Variants in ZBTB41 observed in about 807,000 individuals in gnomAD.
The protein encoded by ZBTB41 is zinc finger and BTB domain-containing protein 41.
ZBTB41 carries 42 observed loss-of-function variants against 87.6 expected under a neutral mutation model. The observed-to-expected ratio is 0.48, with a 90% CI of 0.37 to 0.62. The LOEUF is 0.62. ZBTB41 is among the 20% of genes least tolerant of loss of function. The probability of loss-of-function intolerance (pLI) is 0.00; values close to 1 mark genes in which losing one functional copy is unlikely to be tolerated. For missense variants in ZBTB41, 799 were observed against 1,078.9 expected (o/e 0.74, Z 3.63); for synonymous variants, 364 against 364.0 (o/e 1.00, Z 0.00).
At chr1:197,190,574 C>A (rs955197162) in intron 4 of ZBTB41, among the ~76,000 whole-genome samples, 188 bp downstream of exon 4, 1 of 152,026 alleles carries the variant, frequency 6.6e-6, no homozygotes, top group Non-Finnish European at 1.5e-5. Context: ...CTGTTTAGGT[C>A]CATCATCTAA....
chr1:197,175,250 A>G (rs1261536394), intron 8 of ZBTB41, 135 bp from the exon 9 acceptor site: 1 of 637,348 alleles, frequency 1.6e-6, no homozygotes, highest in Non-Finnish European at 2.5e-6. Flanking sequence ...ATTCTGCACT[A>G]TTTGCTTTAT....
rs1659431891 is a variant in ZBTB41 at position 197,169,699 on chromosome 1, A to C, written c.2074+2461T>G. 5.3e-5 allele frequency among the ~76,000 whole-genome samples: 8 copies of C among 152,142 alleles called. No individual in the cohort carries two copies. The South Asian group carries it at 1.7e-3, about 32-fold the overall frequency. On this transcript the variant is annotated intron_variant, in intron 10 of 10. Transcript: ENST00000367405. ...GAGATTTGTGCACTTTGTGTGCTAT[A>C]CTTCAATAAAAAAAAGCTTACAAAG...
rs6680205 is a variant in ZBTB41 at position 197,174,160 on chromosome 1, G to A, written c.1985+850C>T. 8.8e-3 allele frequency among the ~76,000 whole-genome samples: 1,331 copies of A among 152,092 alleles called. 16 individuals carry two copies. Among genetic ancestry groups the A allele is most frequent in the African/African-American group, 0.028 (1,177 of 41,498 alleles). On this transcript the variant is annotated intron_variant, in intron 9 of 10. Transcript: ENST00000367405. ...AAAATATACCTTGCAATTACCACAT[G>A]GATGCTAAGCCATACAGATTTTCAA... is the stretch of plus-strand genomic sequence containing the variant.
chr1:197,182,989 T>C (rs1009701312), intron 5 of ZBTB41, among the ~76,000 whole-genome samples: 7 of 152,236 alleles, frequency 4.6e-5, no homozygotes, highest in African/African-American at 4.8e-5. Context: ...AACAGAAACA[T>C]AGAGACGGAA....
intron 10 of ZBTB41, among the ~76,000 whole-genome samples, chr1:197,164,940 ATT>A (rs1027565830): frequency 8.1e-6 from 1 of 123,994 alleles, no homozygotes; most frequent in African/African-American, 2.9e-5. Context: ...TATTATATAT[ATT>A]ATATATAATA....
chr1:197,183,063 A>G (rs569550765), intron 5 of ZBTB41, among the ~76,000 whole-genome samples: 2 of 148,202 alleles, frequency 1.3e-5, no homozygotes, highest in South Asian at 4.1e-4. Flanking sequence ...ATGCATGTAT[A>G]CATATATGTA....
chr1:197,195,596 A>AT (rs1008866156), intron 2 of ZBTB41, among the ~76,000 whole-genome samples: 15 of 151,588 alleles, frequency 9.9e-5, no homozygotes, highest in African/African-American at 3.4e-4. Context: ...GACTAGTCAC[A>AT]TTTTTTTTTA....
In ZBTB41 at chr1:197,199,482, G is replaced by C. The variant is rs758660955; in HGVS notation, c.992C>G (p.Ala331Gly). ...ATCACCAGCCTCAGGTTCTTCTTCT[G>C]CATCATTATGATCCTTTTCACTTTG... Reference protein sequence around the residue: ...EEQSEKDHNDAEEEPEAGDSV... With the variant: ...EEQSEKDHNDGEEEPEAGDSV... Residue 331 changes from alanine to glycine, a missense_variant, in exon 2 of 11, where the codon GCA becomes GGA. By Grantham distance (60) the Ala-to-Gly change is moderately conservative. Coordinates refer to ENST00000367405, the MANE Select transcript of ZBTB41 (RefSeq NM_194314.3). The C allele has an allele frequency of 1.5e-5, 24 of 1,613,266 alleles. No individual in the cohort carries two copies. In the Admixed American group the frequency reaches 3.8e-4, roughly 26 times the overall value.
intron 2 of ZBTB41, among the ~76,000 whole-genome samples, chr1:197,198,693 C>T (rs1209444663): frequency 6.6e-6 from 1 of 152,082 alleles, no homozygotes; most frequent in Non-Finnish European, 1.5e-5. Flanking sequence ...GACTACATTT[C>T]CTCAAATTCT....
At chr1:197,177,001 G>A (rs1403035519) in intron 7 of ZBTB41, among the ~76,000 whole-genome samples, 1 of 152,038 alleles carries the variant, frequency 6.6e-6, no homozygotes, top group Non-Finnish European at 1.5e-5. Flanking sequence ...GACTGGCCAA[G>A]ACTCAAAAAT....
At chr1:197,186,777 T>C (rs1195746878) in intron 5 of ZBTB41, among the ~76,000 whole-genome samples, 2 of 151,964 alleles carry the variant, frequency 1.3e-5, no homozygotes, top group East Asian at 3.9e-4. Context: ...GGCAGGAGAA[T>C]CACTTGAACC....
chr1:197,176,305 G>C (rs1659607185), intron 8 of ZBTB41, among the ~76,000 whole-genome samples: 1 of 152,004 alleles, frequency 6.6e-6, no homozygotes, highest in Non-Finnish European at 1.5e-5. Context: ...TGCAAATTTT[G>C]AGAATTTATT....
intron 10 of ZBTB41, 65 bp from the exon 11 acceptor site, chr1:197,160,079 C>G (rs1447581270): frequency 1.0e-5 from 13 of 1,306,172 alleles, no homozygotes; most frequent in Non-Finnish European, 1.4e-5. Flanking sequence ...ACAATGACTT[C>G]AAGTAGCAAA....
At chr1:197,188,476 G>T in intron 4 of ZBTB41, 37 bp from the exon 5 acceptor site, 1 of 1,523,208 alleles carries the variant, frequency 6.6e-7, no homozygotes, top group Non-Finnish European at 8.8e-7. Context: ...AAGAGAACCT[G>T]AATTAAAAAT....
chr1:197,183,621 C>T (rs1026559293), intron 5 of ZBTB41, among the ~76,000 whole-genome samples: 4 of 152,100 alleles, frequency 2.6e-5, no homozygotes, highest in Non-Finnish European at 2.9e-5. Context: ...CCTATTGCGC[C>T]GTAATTTAAT....
intron 10 of ZBTB41, among the ~76,000 whole-genome samples, chr1:197,171,320 C>G (rs1362660801): frequency 2.0e-5 from 3 of 152,024 alleles, no homozygotes; most frequent in Non-Finnish European, 2.9e-5. Flanking sequence ...AGCACTGTAT[C>G]AGTAGTAAAT....
At chr1:197,196,567 T>G (rs1456062955) in intron 2 of ZBTB41, among the ~76,000 whole-genome samples, 1 of 152,202 alleles carries the variant, frequency 6.6e-6, no homozygotes, top group Non-Finnish European at 1.5e-5. Flanking sequence ...CACCATGATC[T>G]TTCTAAAATT....
intron 10 of ZBTB41, among the ~76,000 whole-genome samples, chr1:197,163,612 C>T (rs1214873355): frequency 6.6e-6 from 1 of 151,128 alleles, no homozygotes; most frequent in East Asian, 1.9e-4. Flanking sequence ...ATTCAATAAA[C>T]ACTATAAACC....
chr1:197,200,572 T>A lies in ZBTB41; in HGVS notation c.-99A>T. The A allele has an allele frequency of 8.1e-7, 1 of 1,230,478 alleles. No individual in the cohort carries two copies. The highest frequency in any genetic ancestry group is 1.1e-6 in the Non-Finnish European group (1 of 904,704). The allele number at this position is 1,230,478 out of a possible 1,614,324, so 76.2% of individuals were successfully genotyped here. A position where few individuals can be genotyped will look rare whatever the true frequency, so the allele number is the denominator to read the frequency against. On this transcript the variant is annotated 5_prime_UTR_variant, in exon 2 of 11. Transcript: ENST00000367405. The stretch of plus-strand genomic sequence containing the variant: ...TTGGATAACAGCTTCTGAAGGGGCG[T>A]GCCCAAGGGTTTCATGGTCTGCAAA...
Sources: allele counts gnomAD v4.1 joint callset (sites outside exome capture counted in the v4.1 genomes callset), GRCh38; gene constraint gnomAD v4.1.1; transcripts MANE v1.5; gene names NCBI Gene and HGNC (gene_info 2026-07-23, HGNC 2026-07-21).